NTM: variants seen among roughly 807,000 people sequenced by gnomAD.
NTM encodes IgLON family member 2.
In NTM, 13 loss-of-function variants were observed where a neutral mutation model predicts 42.1. That is an observed-to-expected ratio of 0.31 (90% CI 0.20 to 0.49). NTM has a LOEUF of 0.49. Among genes scored for constraint, NTM ranks in the 20% least tolerant of loss-of-function variants. NTM has a pLI of 0.99. For missense variants in NTM, 373 were observed against 452.8 expected (o/e 0.82, Z 1.60); for synonymous variants, 187 against 179.2 (o/e 1.04, Z -0.35).
rs115432408 is a variant in NTM, at chr11:131,990,103, T to C, written c.167+78455T>C. 5.7e-3 allele frequency among the ~76,000 whole-genome samples: 867 copies of C among 152,280 alleles called. 9 individuals are homozygous for C. Among genetic ancestry groups the C allele is most frequent in the African/African-American group, 0.02 (825 of 41,574 alleles). On this transcript the variant is annotated intron_variant, in intron 2 of 8. Coordinates refer to ENST00000683400, the MANE Select transcript of NTM (RefSeq NM_001352005.2). ...GATCCCCAAAAGCAACCTGTACATTTGGCAGAATAAATTTTATTCACTACA... is the reference window on the plus strand; with the variant it reads ...GATCCCCAAAAGCAACCTGTACATTCGGCAGAATAAATTTTATTCACTACA...
At chr11:131,997,910 G>C (rs911739821) in intron 2 of NTM, among the ~76,000 whole-genome samples, 4 of 152,042 alleles carry the variant, frequency 2.6e-5, no homozygotes, top group African/African-American at 9.7e-5. Context: ...GAACCCTAAA[G>C]CCAGGCTCAT....
At chr11:131,910,711 C>A in intron 1 of NTM, 1 of 422,660 alleles carries the variant, frequency 2.4e-6, no homozygotes, top group Non-Finnish European at 3.2e-6. Context: ...GCGCCTTCCC[C>A]AGCGAGCTAC....
In NTM at chr11:131,949,611, A is replaced by G. The variant is rs371489936; in HGVS notation, c.167+37963A>G. Among the ~76,000 whole-genome samples the G allele has an allele frequency of 2.0e-5, 3 of 152,292 alleles. No homozygotes were observed. The East Asian group carries it at 5.8e-4, about 29-fold the overall frequency. On this transcript the variant is annotated intron_variant, in intron 2 of 8. Transcript: ENST00000683400. ...GGATTCGGGGTCTTGTGTTGGGTCC[A>G]CCTTGAGTACTGGCCCTATACCTAG...
intron 1 of NTM, among the ~76,000 whole-genome samples, chr11:131,407,952 G>T (rs1256060144): frequency 1.3e-5 from 2 of 152,228 alleles, no homozygotes; most frequent in Non-Finnish European, 1.5e-5. Flanking sequence ...TTCGTGGATG[G>T]TACTTATTCA....
At chr11:131,521,841 A>C (rs2049776039) in intron 1 of NTM, among the ~76,000 whole-genome samples, 1 of 152,110 alleles carries the variant, frequency 6.6e-6, no homozygotes, top group Non-Finnish European at 1.5e-5. Context: ...TGTCCTCAGA[A>C]TGTAATTAAG....
intron 1 of NTM, among the ~76,000 whole-genome samples, chr11:131,448,949 T>G (rs2136029117): frequency 6.6e-6 from 1 of 152,260 alleles, no homozygotes; most frequent in South Asian, 2.1e-4. Context: ...AGGAGGAAGC[T>G]TTTGTCCATC....
intron 1 of NTM, among the ~76,000 whole-genome samples, chr11:131,432,839 C>CCTTTTTTTTTTTTTTTTTTTTTTTTT (rs1565494793): frequency 1.0e-4 from 7 of 68,694 alleles, no homozygotes; most frequent in Non-Finnish European, 1.8e-4. Context: ...ATTTAGCATT[C>CCTTTTTTTTTTTTTTTTTTTTTTTTT]TTTTTTTTTT....
At chr11:132,175,099 A>G (rs1354122392) in intron 3 of NTM, among the ~76,000 whole-genome samples, 1 of 152,144 alleles carries the variant, frequency 6.6e-6, no homozygotes, top group Non-Finnish European at 1.5e-5. Context: ...AAAGTGGGTA[A>G]TAAAAGTGCC....
Position 132,146,143 on chromosome 11 carries a change from C to T in NTM, c.168-139C>T. On this transcript the variant is annotated intron_variant, in intron 2 of 8. Transcript: ENST00000683400. This position sits in a 1 kb window ranked among gnomAD's most constrained non-coding sequence, Gnocchi z 4.5. The stretch of plus-strand genomic sequence containing the variant: ...CTTTGCTGTGTTCCAGAAAAGTCCA[C>T]CCCTGACAAATCAAAGGAAATGTAT... The T allele has an allele frequency of 7.4e-7, 1 of 1,354,626 alleles. No individual in the cohort carries two copies. 83.9% of individuals were successfully genotyped at this position (1,354,626 alleles called of 1,614,324 possible).
At chr11:131,605,880 C>A (rs2060908539) in intron 1 of NTM, 2 of 982,544 alleles carry the variant, frequency 2.0e-6, no homozygotes, top group Admixed American at 1.2e-4. Flanking sequence ...AGCTTCACCA[C>A]CCCACTCTAT....
intron 1 of NTM, among the ~76,000 whole-genome samples, chr11:131,777,813 C>T (rs1241365346): frequency 2.0e-5 from 3 of 152,062 alleles, no homozygotes; most frequent in African/African-American, 4.8e-5. Context: ...CTTCAGCATA[C>T]ATTTCCATAA....
chr11:131,704,431 T>G lies in NTM; in HGVS notation c.83-207133T>G, dbSNP rs575113219. On this transcript the variant is annotated intron_variant, in intron 1 of 8. Coordinates refer to ENST00000683400, the MANE Select transcript of NTM (RefSeq NM_001352005.2). ...AGGACTTCAATAGCAAGCCTCACTA[T>G]GGACCTCATTAGATGGCCCCACCCA... is the stretch of plus-strand genomic sequence containing the variant. Among the ~76,000 whole-genome samples the G allele has an allele frequency of 2.4e-4, 37 of 152,362 alleles. 1 individual carries two copies. In the South Asian group the frequency reaches 6.8e-3, roughly 28 times the overall value.
intron 1 of NTM, among the ~76,000 whole-genome samples, chr11:131,612,197 A>G (rs1388869030): frequency 6.6e-6 from 1 of 152,196 alleles, no homozygotes. Context: ...GGATCCACCC[A>G]CAGCAGTCAA....
At chr11:132,079,660 G>T (rs1015530177) in intron 2 of NTM, among the ~76,000 whole-genome samples, 5 of 152,190 alleles carry the variant, frequency 3.3e-5, no homozygotes, top group African/African-American at 1.2e-4. Context: ...TTGCATGGCA[G>T]ACCTTCACAT....
intron 2 of NTM, among the ~76,000 whole-genome samples, chr11:131,957,460 A>G (rs1368494490): frequency 6.6e-6 from 1 of 152,126 alleles, no homozygotes; most frequent in Non-Finnish European, 1.5e-5. Flanking sequence ...TCCACTTTGC[A>G]TCCCACTTCT....
chr11:131,940,841 A>G (rs1351068486), intron 2 of NTM, among the ~76,000 whole-genome samples: 1 of 152,252 alleles, frequency 6.6e-6, no homozygotes, highest in African/African-American at 2.4e-5. Context: ...TTTGATAATT[A>G]TCGCAATTAT....
At chr11:132,322,296 G>C (rs1049096753) in intron 7 of NTM, among the ~76,000 whole-genome samples, 29 of 151,950 alleles carry the variant, frequency 1.9e-4, no homozygotes, top group Non-Finnish European at 3.1e-4. Flanking sequence ...CTCATGTGCA[G>C]AGACACACAT....
intron 1 of NTM, among the ~76,000 whole-genome samples, chr11:131,896,627 A>T (rs1442169429): frequency 6.6e-6 from 1 of 151,740 alleles, no homozygotes; most frequent in Non-Finnish European, 1.5e-5. Flanking sequence ...AGCGAATATT[A>T]AAACCTGGCA....
At chr11:132,283,303 C>T (rs1371026608) in intron 4 of NTM, among the ~76,000 whole-genome samples, 1 of 152,088 alleles carries the variant, frequency 6.6e-6, no homozygotes, top group Non-Finnish European at 1.5e-5. Flanking sequence ...CAATTTCTGT[C>T]ATATGGTGTA....
Sources: allele counts gnomAD v4.1 joint callset (sites outside exome capture counted in the v4.1 genomes callset), GRCh38; gene constraint gnomAD v4.1.1; non-coding constraint Gnocchi (gnomAD v3.1); transcripts MANE v1.5; gene names NCBI Gene and HGNC (gene_info 2026-07-23, HGNC 2026-07-21).